ITPR1: variants seen among roughly 807,000 people sequenced by gnomAD.
The protein encoded by ITPR1 is inositol 1,4,5-trisphosphate receptor type 1.
A neutral mutation model predicts 318.4 loss-of-function variants in ITPR1; 96 were observed. That is an observed-to-expected ratio of 0.30 (90% CI 0.26 to 0.36). The LOEUF (loss-of-function observed/expected upper bound fraction) is 0.36. Among genes scored for constraint, ITPR1 ranks in the 10% least tolerant of loss-of-function variants. The pLI is 1.00. For missense variants in ITPR1, 2,440 were observed against 3,460.2 expected (o/e 0.71, Z 7.40); for synonymous variants, 1,312 against 1,289.9 (o/e 1.02, Z -0.37).
rs139040337 is a variant in ITPR1 at position 4,495,206 on chromosome 3, T to C, written c.-17+700T>C. 4.3e-3 allele frequency among the ~76,000 whole-genome samples: 641 copies of C among 149,146 alleles called. 2 individuals carry two copies. Among genetic ancestry groups the C allele is most frequent in the Non-Finnish European group, 5.8e-3 (390 of 67,792 alleles). ...AGTGGGAGGTTTCAACGGGTGCACG[T>C]ACATCACTATTGCTGCAGATTTGGC... is the stretch of plus-strand genomic sequence containing the variant. On this transcript the variant is annotated intron_variant, in intron 2 of 61. Transcript: ENST00000649015.
chr3:4,704,864 G>T (rs2094725098), intron 36 of ITPR1, among the ~76,000 whole-genome samples: 1 of 152,084 alleles, frequency 6.6e-6, no homozygotes, highest in Non-Finnish European at 1.5e-5. Flanking sequence ...TAGTTGTTTA[G>T]CTTATGAATA....
chr3:4,550,184 A>G (rs1446900345), intron 4 of ITPR1, among the ~76,000 whole-genome samples: 2 of 152,084 alleles, frequency 1.3e-5, no homozygotes, highest in Non-Finnish European at 1.5e-5. Flanking sequence ...CTGGCTATTA[A>G]AAGTTCTCTG....
intron 3 of ITPR1, among the ~76,000 whole-genome samples, chr3:4,519,798 C>A (rs1317402302): frequency 6.6e-6 from 1 of 152,108 alleles, no homozygotes; most frequent in Non-Finnish European, 1.5e-5. Context: ...CAAATAGATA[C>A]TGAGCTGCCA....
At chr3:4,841,653 A>G (rs1324963377) in intron 61 of ITPR1, among the ~76,000 whole-genome samples, 1 of 152,230 alleles carries the variant, frequency 6.6e-6, no homozygotes, top group Non-Finnish European at 1.5e-5. Flanking sequence ...TGCTCTGGGA[A>G]TGGAGAAAAG....
chr3:4,615,502 G>A (rs1469959932), intron 4 of ITPR1, among the ~76,000 whole-genome samples: 2 of 150,170 alleles, frequency 1.3e-5, no homozygotes, highest in African/African-American at 2.4e-5. Flanking sequence ...TCAGCCTCCC[G>A]AGTAACTGGG....
In ITPR1 at chr3:4,669,646, C is replaced by G. The variant is rs765044189; in HGVS notation, c.1887-8C>G. The G allele has an allele frequency of 3.1e-6, 5 of 1,608,872 alleles. No homozygotes were observed. The Admixed American group carries it at 8.4e-5, about 27-fold the overall frequency. ...TACAGAAAATGTTTTGTTTCTGTTT[C>G]TGTTTAGATTCTTAGATTACCTCTC... is the stretch of plus-strand genomic sequence containing the variant. On this transcript the variant is annotated splice_region_variant and splice_polypyrimidine_tract_variant and intron_variant, in intron 18 of 61. Transcript: ENST00000649015.
intron 4 of ITPR1, among the ~76,000 whole-genome samples, chr3:4,541,701 C>A (rs2084465734): frequency 6.6e-6 from 1 of 152,082 alleles, no homozygotes; most frequent in Admixed American, 6.5e-5. Context: ...TCTCGGCTCA[C>A]TGCAACCTCC....
intron 4 of ITPR1, among the ~76,000 whole-genome samples, chr3:4,525,785 A>G (rs553734873): frequency 1.3e-5 from 2 of 152,292 alleles, no homozygotes; most frequent in East Asian, 1.9e-4. Context: ...GGGAATAGAA[A>G]CTTTGTGGTT....
chr3:4,509,486 T>G (rs1404539181), intron 2 of ITPR1, among the ~76,000 whole-genome samples: 1 of 152,224 alleles, frequency 6.6e-6, no homozygotes, highest in African/African-American at 2.4e-5. Flanking sequence ...TAATTTGTTT[T>G]GGAGAGCAGT....
At chr3:4,552,904 G>A (rs2085713736) in intron 4 of ITPR1, among the ~76,000 whole-genome samples, 1 of 152,108 alleles carries the variant, frequency 6.6e-6, no homozygotes, top group Non-Finnish European at 1.5e-5. Context: ...CCAGGAAACA[G>A]GGTCAAAGAC....
intron 4 of ITPR1, among the ~76,000 whole-genome samples, chr3:4,539,278 GGTCAGATAATATCTTTGTTTTATCA>G (rs1450694037): frequency 6.6e-6 from 1 of 151,964 alleles, no homozygotes; most frequent in African/African-American, 2.4e-5. Flanking sequence ...GTTGTGTGTT[GGTCAGATAATATCTTTGTTTTATCA>G]GTCCTTTACA....
At chr3:4,843,257 A>G (rs1406203329) in intron 61 of ITPR1, among the ~76,000 whole-genome samples, 1 of 152,152 alleles carries the variant, frequency 6.6e-6, no homozygotes, top group Non-Finnish European at 1.5e-5. Context: ...GTATCAGTCA[A>G]ATGTGTGTGC....
rs754002503 is a variant in ITPR1, at chr3:4,609,051, AATATATATATATATAT to A, written c.164-18688_164-18673del. 9.0e-3 allele frequency among the ~76,000 whole-genome samples: 421 copies of A among 46,558 alleles called. 10 individuals are homozygous for A. The highest frequency in any genetic ancestry group is 0.034 in the East Asian group (16 of 466). The allele number at this position is 46,558 out of a possible 152,430, so 30.5% of individuals were successfully genotyped here. On this transcript the variant is annotated intron_variant, in intron 4 of 61. Transcript: ENST00000649015. ...CAAAAGAAAACAACAACAACAACGA[AATATATATATATATAT>A]ATATATATATATATATATATATACA...
chr3:4,631,799 G>T (rs531439756), intron 5 of ITPR1, among the ~76,000 whole-genome samples: 1 of 152,018 alleles, frequency 6.6e-6, no homozygotes, highest in South Asian at 2.1e-4. Context: ...ATGGAGTGGG[G>T]TGCTAGGTTC....
intron 3 of ITPR1, among the ~76,000 whole-genome samples, chr3:4,518,281 C>T (rs1012524374): frequency 2.0e-5 from 3 of 152,138 alleles, no homozygotes; most frequent in Non-Finnish European, 4.4e-5. Context: ...CCTGAGCCCC[C>T]GGGATCTTAG....
chr3:4,589,515 G>A (rs1036605305), intron 4 of ITPR1, among the ~76,000 whole-genome samples: 1 of 152,156 alleles, frequency 6.6e-6, no homozygotes, highest in African/African-American at 2.4e-5. Context: ...TGCCCAGGTA[G>A]TTTGCAGGCA....
chr3:4,639,328 G>A (rs770821000), intron 5 of ITPR1, 56 bp from the exon 6 acceptor site: 1 of 1,319,812 alleles, frequency 7.6e-7, no homozygotes, highest in Non-Finnish European at 1.1e-6. Flanking sequence ...CGTCACTGCA[G>A]TGGGATAGAA....
At position 4,837,433 on chromosome 3, in the gene ITPR1, G is replaced by A. The variant is rs77092017; in HGVS notation, c.8190+498G>A. 4.3e-3 allele frequency among the ~76,000 whole-genome samples: 658 copies of A among 152,086 alleles called. 9 individuals are homozygous for A. The highest frequency in any genetic ancestry group is 0.015 in the African/African-American group (615 of 41,508). ...TCTTTTCTCAGTGGCTTACTGAGTG[G>A]CTATCATAGTACAGGAATTATGCCA... On this transcript the variant is annotated intron_variant, in intron 61 of 61. Coordinates refer to ENST00000649015, the MANE Select transcript of ITPR1 (RefSeq NM_001378452.1).
intron 47 of ITPR1, 87 bp from the exon 48 acceptor site, chr3:4,777,177 T>C: frequency 2.7e-6 from 2 of 740,928 alleles, no homozygotes; most frequent in Non-Finnish European, 4.7e-6. Flanking sequence ...GTAAGCATTG[T>C]GTTGAAATAG....
Sources: gnomAD v4.1 joint callset for allele counts (sites outside exome capture counted in the v4.1 genomes callset) on GRCh38, gnomAD v4.1.1 for gene constraint, MANE v1.5 for transcripts, NCBI Gene and HGNC (gene_info 2026-07-23, HGNC 2026-07-21) for gene names.